Variants in MASP2 observed in about 807,000 individuals in gnomAD.
MASP2 encodes mannan-binding lectin serine protease 2.
MASP2 carries 49 observed loss-of-function variants against 57.1 expected under a neutral mutation model. That is an observed-to-expected ratio of 0.86 (90% CI 0.68 to 1.09). The LOEUF is 1.09. Among genes scored for constraint, MASP2 ranks in the 50% least tolerant of loss-of-function variants. The pLI is 0.00. For missense variants in MASP2, 900 were observed against 874.8 expected (o/e 1.03, Z -0.36); for synonymous variants, 379 against 340.8 (o/e 1.11, Z -1.24).
At chr1:11,045,305 C>T in intron 4 of MASP2, 103 bp downstream of exon 4, 2 of 1,553,384 alleles carry the variant, frequency 1.3e-6, no homozygotes, top group Non-Finnish European at 1.8e-6. Flanking sequence ...ACCCAGTGTC[C>T]AGGGCCCAGG....
chr1:11,029,908 G>A (rs1280934087), intron 10 of MASP2: 2 of 279,730 alleles, frequency 7.1e-6, no homozygotes, highest in African/African-American at 4.5e-5. Context: ...ACAGGCGTGA[G>A]CCACACCTGG....
chr1:11,037,439 G>T (rs1362626214), intron 7 of MASP2, among the ~76,000 whole-genome samples: 1 of 151,010 alleles, frequency 6.6e-6, no homozygotes, highest in Non-Finnish European at 1.5e-5. Flanking sequence ...AAAACAAAGG[G>T]CTCGCTTATG....
chr1:11,039,224 A>G (rs1320650279), intron 6 of MASP2, among the ~76,000 whole-genome samples: 7 of 152,180 alleles, frequency 4.6e-5, no homozygotes, highest in Non-Finnish European at 1.0e-4. Context: ...TGTTTCTGTG[A>G]CTGTTCCCTT....
chr1:11,044,339 A>G (rs1048427237), intron 4 of MASP2, among the ~76,000 whole-genome samples: 1 of 152,060 alleles, frequency 6.6e-6, no homozygotes, highest in African/African-American at 2.4e-5. Context: ...TCCCCATCCC[A>G]TACCACCACC....
In MASP2 at chr1:11,027,397, C is replaced by G. The variant is rs1643755869; in HGVS notation, c.1549G>C (p.Val517Leu). ...TGAGTATAACCTTCATGTATAAAAA[C>G]AGCTTCAGACCAGGCTTGTGTATAA... ...PHYTQAWSEA[V>L]FIHEGYTHDA... The change falls in exon 11 of 11, where the codon GTT becomes CTT. Residue 517 changes from valine to leucine, a missense_variant. By Grantham distance (32) the Val-to-Leu change is conservative. Transcript: ENST00000400897. 5 of 1,614,050 alleles carry G rather than the reference C, an allele frequency of 3.1e-6. No homozygotes were observed. Among genetic ancestry groups the G allele is most frequent in the South Asian group, 2.2e-5 (2 of 91,090 alleles).
rs1231189655 is a variant in MASP2 at position 11,043,718 on chromosome 1, G to A, written c.545-183C>T. Among the ~76,000 whole-genome samples, 4 of 152,012 alleles carry A rather than the reference G, an allele frequency of 2.6e-5. No individual in the cohort carries two copies. The East Asian group carries it at 5.8e-4, about 22-fold the overall frequency. On this transcript the variant is annotated intron_variant, in intron 4 of 10. Coordinates refer to ENST00000400897, the MANE Select transcript of MASP2 (RefSeq NM_006610.4). ...CCTGAGGCCTACCCAGAAACCAAAC[G>A]ACCCACCCGATGGCTGAGGGGCCGC...
chr1:11,037,629 A>G (rs1192943416), intron 7 of MASP2, 64 bp downstream of exon 7: 1 of 1,000,346 alleles, frequency 1.0e-6, no homozygotes, highest in Non-Finnish European at 1.5e-6. Flanking sequence ...ATATCTGCAG[A>G]TAGAAATATG....
At chr1:11,044,757 C>T (rs1025295422) in intron 4 of MASP2, 9 of 1,479,014 alleles carry the variant, frequency 6.1e-6, no homozygotes, top group South Asian at 5.1e-5. Context: ...CGCACCCCGC[C>T]GCCTCCCGAC....
At chr1:11,034,017 C>T (rs1643871652) in intron 8 of MASP2, among the ~76,000 whole-genome samples, 1 of 151,700 alleles carries the variant, frequency 6.6e-6, no homozygotes, top group Admixed American at 6.6e-5. Flanking sequence ...GTGGGCAGAT[C>T]ACCTGAGGTC....
chr1:11,038,362 C>T (rs1353190646), intron 6 of MASP2, among the ~76,000 whole-genome samples: 1 of 152,172 alleles, frequency 6.6e-6, no homozygotes, highest in Non-Finnish European at 1.5e-5. Context: ...GTAATCAACC[C>T]TCACAGCAGC....
At chr1:11,035,579 A>C (rs983225458) in intron 7 of MASP2, among the ~76,000 whole-genome samples, 18 of 150,926 alleles carry the variant, frequency 1.2e-4, no homozygotes, top group African/African-American at 4.4e-4. Flanking sequence ...TCTGCATCTG[A>C]TGTTCCACCA....
Position 11,045,503 on chromosome 1 carries a change from G to C in MASP2, c.449C>G (p.Pro150Arg), listed in dbSNP as rs1200856428. Residue 150 changes from proline to arginine, a missense_variant, in exon 4 of 11, where the codon CCC becomes CGC. Pro to Arg is a moderately radical substitution (Grantham distance 103). Transcript: ENST00000400897. Reference protein sequence around the residue: ...DECQVAPGEAPTCDHHCHNHL... With the variant: ...DECQVAPGEARTCDHHCHNHL... Reference sequence around the variant, plus strand: ...GTTGTGGCAGTGGTGGTCGCAGGTGGGCGCCTCTCCCGGGGCCACCTGGCA... The same window carrying C: ...GTTGTGGCAGTGGTGGTCGCAGGTGCGCGCCTCTCCCGGGGCCACCTGGCA... 6.2e-7 allele frequency: 1 copy of C among 1,610,234 alleles called. No individual in the cohort carries two copies. Among genetic ancestry groups the C allele is most frequent in the East Asian group, 2.2e-5 (1 of 44,784 alleles).
chr1:11,042,722 G>A (rs1360097777), intron 6 of MASP2, among the ~76,000 whole-genome samples, 153 bp downstream of exon 6: 1 of 152,034 alleles, frequency 6.6e-6, no homozygotes, highest in African/African-American at 2.4e-5. Flanking sequence ...CTTCCCCTTA[G>A]AAGACTGCTG....
intron 6 of MASP2, among the ~76,000 whole-genome samples, chr1:11,038,735 C>A (rs775888727): frequency 6.6e-6 from 1 of 152,224 alleles, no homozygotes; most frequent in Non-Finnish European, 1.5e-5. Context: ...CCAGGGACAG[C>A]CTTGGTGGAC....
In MASP2 at chr1:11,027,053, A is replaced by G; in HGVS notation, c.1893T>C (p.Gly631=). 6.3e-7 allele frequency: 1 copy of G among 1,591,898 alleles called. No individual in the cohort carries two copies. The highest frequency in any genetic ancestry group is 8.5e-7 in the Non-Finnish European group (1 of 1,169,592). The change falls in exon 11 of 11, where the codon GGT becomes GGC. Residue 631 remains glycine, a synonymous_variant. Transcript: ENST00000400897. ...LESGGKDSCR[G]DSGGALVFLD... ...GAAACACCAGTGCCCCTCCGCTGTC[A>G]CCTCTGCAGCTGTCCTTGCCCCCAC...
chr1:11,042,697 G>A (rs1437575081), intron 6 of MASP2, among the ~76,000 whole-genome samples, 178 bp downstream of exon 6: 1 of 152,052 alleles, frequency 6.6e-6, no homozygotes, highest in East Asian at 1.9e-4. Flanking sequence ...TGGCTGGAGG[G>A]AGGGACAGCG....
At chr1:11,042,396 T>TTGGA (rs141900678) in intron 6 of MASP2, among the ~76,000 whole-genome samples, 3,797 of 141,904 alleles carry the variant, frequency 0.027, 91 homozygotes, top group East Asian at 0.063. Flanking sequence ...GATAGATGGA[T>TTGGA]TGGATGGATG....
intron 5 of MASP2, 117 bp from the exon 6 acceptor site, chr1:11,043,139 T>C (rs986879720): frequency 8.5e-7 from 1 of 1,172,344 alleles, no homozygotes; most frequent in Non-Finnish European, 1.2e-6. Flanking sequence ...ACCCAGGCCA[T>C]GGATTGGGGT....
At chr1:11,041,776 G>A (rs1440240135) in intron 6 of MASP2, among the ~76,000 whole-genome samples, 203 of 149,296 alleles carry the variant, frequency 1.4e-3, no homozygotes, top group Middle Eastern at 3.7e-3. Flanking sequence ...AAGAATGGGT[G>A]GATGGATGGA....
Sources: gnomAD v4.1 joint callset for allele counts (sites outside exome capture counted in the v4.1 genomes callset) on GRCh38, gnomAD v4.1.1 for gene constraint, MANE v1.5 for transcripts, NCBI Gene and HGNC (gene_info 2026-07-23, HGNC 2026-07-21) for gene names.